Variants in PRKN observed in about 807,000 individuals in gnomAD.
PRKN encodes E3 ubiquitin-protein ligase parkin.
A neutral mutation model predicts 59.5 loss-of-function variants in PRKN; 56 were observed. That is an observed-to-expected ratio of 0.94 (90% CI 0.76 to 1.18). PRKN has a LOEUF of 1.18. PRKN is among the 50% of genes most tolerant of loss of function. PRKN has a pLI of 0.00. For synonymous variants in PRKN, 250 were observed against 222.1 expected (o/e 1.13, Z -1.12); for missense variants, 657 against 596.4 (o/e 1.10, Z -1.06).
At chr6:162,585,330 G>C (rs2128212664) in intron 1 of PRKN, among the ~76,000 whole-genome samples, 1 of 152,182 alleles carries the variant, frequency 6.6e-6, no homozygotes, top group Non-Finnish European at 1.5e-5. Context: ...TGGTTATGGG[G>C]GCCATGTCCT....
intron 7 of PRKN, among the ~76,000 whole-genome samples, chr6:161,618,480 TCA>T (rs894407513): frequency 5.3e-5 from 8 of 152,204 alleles, no homozygotes; most frequent in African/African-American, 1.9e-4. Flanking sequence ...CTTTTCTCTC[TCA>T]CTTTTCTTTT....
Position 162,201,206 on chromosome 6 carries a change from G to T in PRKN, c.459C>A (p.Pro153=), listed in dbSNP as rs1182990259. The change falls in exon 4 of 12, where the codon CCC becomes CCA. Residue 153 remains proline (P), a synonymous_variant. Transcript: ENST00000366898. ...GTTTTCCCGGCTGCACTCTTTGACA[G>T]GGGCCTTTGCAATACACATAAAAGC... ...YNSFYVYCKG[P]CQRVQPGKLR... The T allele has an allele frequency of 6.2e-7, 1 of 1,613,978 alleles. No homozygotes were observed. Among genetic ancestry groups the T allele is most frequent in the East Asian group, 2.2e-5 (1 of 44,870 alleles).
At chr6:161,654,519 C>T (rs1340399583) in intron 7 of PRKN, among the ~76,000 whole-genome samples, 1 of 152,156 alleles carries the variant, frequency 6.6e-6, no homozygotes, top group African/African-American at 2.4e-5. Flanking sequence ...GGCTTGGACC[C>T]AGATCCCTTT....
intron 5 of PRKN, among the ~76,000 whole-genome samples, chr6:162,020,734 T>C (rs1279782011): frequency 6.6e-6 from 1 of 152,118 alleles, no homozygotes; most frequent in Non-Finnish European, 1.5e-5. Flanking sequence ...CTAATAAAGA[T>C]TCTCCCCATA....
intron 9 of PRKN, among the ~76,000 whole-genome samples, chr6:161,387,090 C>T (rs1340764320): frequency 6.6e-6 from 1 of 152,156 alleles, no homozygotes; most frequent in East Asian, 1.9e-4. Context: ...AGCAGGGCTA[C>T]AGAGATGATG....
At chr6:162,403,634 T>C (rs530216613) in intron 2 of PRKN, among the ~76,000 whole-genome samples, 35 of 152,218 alleles carry the variant, frequency 2.3e-4, no homozygotes, top group South Asian at 2.1e-3. Flanking sequence ...TCAGAAATAG[T>C]TACTGAATCC....
chr6:161,708,515 TG>T (rs1216657477), intron 7 of PRKN, among the ~76,000 whole-genome samples: 8 of 150,478 alleles, frequency 5.3e-5, no homozygotes, highest in Middle Eastern at 3.5e-3. Flanking sequence ...ATTCTGTGTA[TG>T]GGGGGGAGGT....
chr6:162,217,217 C>T (rs888087503), intron 3 of PRKN, among the ~76,000 whole-genome samples: 1 of 152,200 alleles, frequency 6.6e-6, no homozygotes, highest in Non-Finnish European at 1.5e-5. Flanking sequence ...TTGTTCCCCT[C>T]AGTCTCTCTC....
intron 5 of PRKN, among the ~76,000 whole-genome samples, chr6:161,998,432 A>T (rs1400571811): frequency 6.6e-6 from 1 of 152,218 alleles, no homozygotes; most frequent in African/African-American, 2.4e-5. Context: ...CACATATGAA[A>T]ACCCCCATAT....
chr6:161,777,180 T>C (rs1216068802), intron 7 of PRKN, among the ~76,000 whole-genome samples: 1 of 152,070 alleles, frequency 6.6e-6, no homozygotes, highest in Non-Finnish European at 1.5e-5. Context: ...TCAATGGAGG[T>C]TTATGAGTAA....
intron 6 of PRKN, among the ~76,000 whole-genome samples, chr6:161,853,564 T>A (rs1793521086): frequency 6.6e-6 from 1 of 152,246 alleles, no homozygotes; most frequent in Non-Finnish European, 1.5e-5. Context: ...AAACTGAAAT[T>A]GTGGTATGCA....
chr6:161,404,556 A>G (rs1036252654), intron 9 of PRKN, among the ~76,000 whole-genome samples: 1 of 152,184 alleles, frequency 6.6e-6, no homozygotes, highest in Non-Finnish European at 1.5e-5. Context: ...AGTGACCCCA[A>G]TGGCATCTGC....
chr6:161,525,520 A>G lies in PRKN; in HGVS notation c.1083+23334T>C, dbSNP rs1279874555. 1.3e-5 allele frequency among the ~76,000 whole-genome samples: 2 copies of G among 152,188 alleles called. No individual in the cohort carries two copies. The highest frequency in any genetic ancestry group is 4.8e-5 in the African/African-American group (2 of 41,460). ...GAGAACTGTGGTGCTGCATGAATTT[A>G]AGGGATGTTTTTATTATAAGATCAG... On this transcript the variant is annotated intron_variant, in intron 9 of 11. Transcript: ENST00000366898. This position sits in a 1 kb window ranked among gnomAD's most constrained non-coding sequence, Gnocchi z 4.7.
chr6:162,326,287 A>T (rs190806253), intron 2 of PRKN, among the ~76,000 whole-genome samples: 141 of 152,322 alleles, frequency 9.3e-4, no homozygotes, highest in Non-Finnish European at 1.7e-3. Context: ...CCCAGGGATT[A>T]TAAGTCAGGC....
chr6:162,023,420 C>G (rs181126704), intron 5 of PRKN, among the ~76,000 whole-genome samples: 3,404 of 152,212 alleles, frequency 0.022, 132 homozygotes, highest in African/African-American at 0.077. Context: ...GCTGATGGGG[C>G]AGCAAGAAGG....
chr6:161,618,643 TATA>T (rs1441976372), intron 7 of PRKN, among the ~76,000 whole-genome samples: 1 of 152,214 alleles, frequency 6.6e-6, no homozygotes, highest in African/African-American at 2.4e-5. Flanking sequence ...GCTACAGTGG[TATA>T]ATGTCTAATG....
At chr6:161,625,212 A>G (rs1182793303) in intron 7 of PRKN, among the ~76,000 whole-genome samples, 1 of 152,208 alleles carries the variant, frequency 6.6e-6, no homozygotes, top group African/African-American at 2.4e-5. Context: ...GCACATATAT[A>G]CCATGCAATA....
intron 5 of PRKN, among the ~76,000 whole-genome samples, chr6:162,029,892 G>A (rs1299522084): frequency 6.6e-6 from 1 of 152,158 alleles, no homozygotes; most frequent in Non-Finnish European, 1.5e-5. Context: ...AGGTGGGAGT[G>A]CAGTGGTATT....
Position 161,627,625 on chromosome 6 carries a change from G to T in PRKN, c.872-58209C>A, listed in dbSNP as rs149948640. On this transcript the variant is annotated intron_variant, in intron 7 of 11. Coordinates refer to ENST00000366898, the MANE Select transcript of PRKN (RefSeq NM_004562.3). ...TGGAACCCACACCAAAAGACGTGCT[G>T]CTCTTTGGGGAGAATGAGTGGTGTT... is the stretch of plus-strand genomic sequence containing the variant. 5.0e-3 allele frequency among the ~76,000 whole-genome samples: 760 copies of T among 152,344 alleles called. 5 individuals are homozygous for T. The highest frequency in any genetic ancestry group is 0.018 in the African/African-American group (734 of 41,580).
Sources: allele counts gnomAD v4.1 joint callset (sites outside exome capture counted in the v4.1 genomes callset), GRCh38; gene constraint gnomAD v4.1.1; non-coding constraint Gnocchi (gnomAD v3.1); transcripts MANE v1.5; gene names NCBI Gene and HGNC (gene_info 2026-07-23, HGNC 2026-07-21).